TTC23: variants seen among roughly 807,000 people sequenced by gnomAD.
TTC23 encodes tetratricopeptide repeat domain 23.
In TTC23, 58 loss-of-function variants were observed where a neutral mutation model predicts 55.1. That is an observed-to-expected ratio of 1.05 (90% CI 0.85 to 1.31). The LOEUF (loss-of-function observed/expected upper bound fraction) is 1.31, where lower values mean the gene tolerates loss of function less well. Ranked by LOEUF, TTC23 falls within the 50% of genes most tolerant of loss-of-function variation. The probability of loss-of-function intolerance (pLI) is 0.00; values close to 1 mark genes in which losing one functional copy is unlikely to be tolerated. For missense variants in TTC23, 516 were observed against 534.4 expected (o/e 0.97, Z 0.34); for synonymous variants, 203 against 199.9 (o/e 1.02, Z -0.13).
intron 5 of TTC23, among the ~76,000 whole-genome samples, chr15:99,227,835 C>G (rs1414783337): frequency 6.6e-6 from 1 of 152,216 alleles, no homozygotes; most frequent in African/African-American, 2.4e-5. Context: ...TTTACCAGTG[C>G]AGTCTACGTA....
chr15:99,218,032 C>T (rs2152042649), intron 8 of TTC23, among the ~76,000 whole-genome samples: 1 of 152,304 alleles, frequency 6.6e-6, no homozygotes, highest in South Asian at 2.1e-4. Context: ...TCTGTCACCC[C>T]AATACTCTGA....
At chr15:99,211,752 GGA>G (rs901451760) in intron 8 of TTC23, among the ~76,000 whole-genome samples, 9 of 152,146 alleles carry the variant, frequency 5.9e-5, no homozygotes, top group Non-Finnish European at 1.3e-4. Flanking sequence ...CACTTCAACA[GGA>G]GAGGAGAGTG....
rs191063978 is a variant in TTC23 at position 99,193,554 on chromosome 15, T to C, written c.759+6365A>G. Among the ~76,000 whole-genome samples the C allele has an allele frequency of 1.0e-3, 158 of 152,314 alleles. 2 individuals carry two copies. Among genetic ancestry groups the C allele is most frequent in the Middle Eastern group, 3.4e-3 (1 of 294 alleles). On this transcript the variant is annotated intron_variant, in intron 9 of 13. Transcript: ENST00000394132. ...CATGATTGTGAGACTTCCCCAGCCA[T>C]ATGGAACTGTCAGTCCAATTAAACC...
At chr15:99,165,609 CTCTT>C (rs1237292417) in intron 10 of TTC23, among the ~76,000 whole-genome samples, 2 of 152,120 alleles carry the variant, frequency 1.3e-5, no homozygotes, top group South Asian at 4.1e-4. Context: ...TTGTAACCCT[CTCTT>C]TCAATGGGGC....
At chr15:99,169,892 T>G (rs2151916942) in intron 10 of TTC23, among the ~76,000 whole-genome samples, 1 of 152,324 alleles carries the variant, frequency 6.6e-6, no homozygotes, top group Admixed American at 6.5e-5. Context: ...CACTGAACGC[T>G]GCAGAACTCC....
intron 8 of TTC23, among the ~76,000 whole-genome samples, chr15:99,212,590 T>C (rs564628073): frequency 1.0e-3 from 157 of 152,008 alleles, no homozygotes; most frequent in Non-Finnish European, 1.6e-3. Flanking sequence ...GGAGCATGAG[T>C]CACCCCGCGG....
At chr15:99,222,031 T>C (rs923824996) in intron 5 of TTC23, among the ~76,000 whole-genome samples, 167 bp from the exon 6 acceptor site, 1 of 152,090 alleles carries the variant, frequency 6.6e-6, no homozygotes, top group Admixed American at 6.6e-5. Context: ...CAAAGATCTA[T>C]TTGGGGTGGT....
intron 12 of TTC23, chr15:99,148,706 T>G (rs2069300771): frequency 6.6e-6 from 1 of 152,212 alleles, no homozygotes; most frequent in Admixed American, 6.5e-5. Flanking sequence ...CTGCAGCCTT[T>G]CACCTGAGGA....
chr15:99,228,025 A>G (rs1428922034), intron 5 of TTC23, among the ~76,000 whole-genome samples: 3 of 152,224 alleles, frequency 2.0e-5, no homozygotes, highest in Admixed American at 6.5e-5. Context: ...TCCAAGACAA[A>G]GACTGTGGCT....
intron 9 of TTC23, among the ~76,000 whole-genome samples, chr15:99,196,566 T>G (rs1272262317): frequency 1.3e-5 from 2 of 152,206 alleles, no homozygotes; most frequent in Non-Finnish European, 2.9e-5. Flanking sequence ...GCTGGACTCT[T>G]CCTGGAGATG....
chr15:99,184,263 G>T (rs1214698974), intron 9 of TTC23, among the ~76,000 whole-genome samples: 4 of 152,204 alleles, frequency 2.6e-5, no homozygotes, highest in Middle Eastern at 3.2e-3. Context: ...TAGTGGAGCT[G>T]TGAGAAGAGG....
intron 5 of TTC23, among the ~76,000 whole-genome samples, chr15:99,223,630 C>T (rs994224088): frequency 6.6e-6 from 1 of 152,184 alleles, no homozygotes; most frequent in South Asian, 2.1e-4. Flanking sequence ...ATACAGAATC[C>T]AACCACAGTG....
intron 10 of TTC23, among the ~76,000 whole-genome samples, chr15:99,172,010 T>A (rs1449108075): frequency 2.0e-5 from 3 of 151,816 alleles, no homozygotes; most frequent in Non-Finnish European, 4.4e-5. Flanking sequence ...ATCTACTTTA[T>A]GTTTCTCACA....
chr15:99,228,031 T>C (rs1488529059), intron 5 of TTC23, among the ~76,000 whole-genome samples: 4 of 152,222 alleles, frequency 2.6e-5, no homozygotes, highest in Non-Finnish European at 5.9e-5. Context: ...ACAAAGACTG[T>C]GGCTTTTCCT....
intron 9 of TTC23, among the ~76,000 whole-genome samples, chr15:99,195,740 G>A (rs1264008825): frequency 6.6e-6 from 1 of 152,012 alleles, no homozygotes; most frequent in Non-Finnish European, 1.5e-5. Flanking sequence ...AGGTGATAAT[G>A]ATGTGTCAAT....
chr15:99,138,161 G>A (rs782020040), intron 13 of TTC23, 34 bp from the exon 14 acceptor site: 2 of 1,607,938 alleles, frequency 1.2e-6, no homozygotes, highest in East Asian at 2.2e-5. Context: ...TGAGTGTGGT[G>A]CCCCTCAGCC....
intron 12 of TTC23, chr15:99,145,410 T>C (rs1369381017): frequency 6.6e-6 from 1 of 152,146 alleles, no homozygotes; most frequent in Non-Finnish European, 1.5e-5. Flanking sequence ...GACGGGGCTA[T>C]GAATGAATAC....
At chr15:99,203,609 C>T (rs1358598974) in intron 8 of TTC23, among the ~76,000 whole-genome samples, 1 of 152,020 alleles carries the variant, frequency 6.6e-6, no homozygotes, top group Non-Finnish European at 1.5e-5. Flanking sequence ...TAGTTTTCCC[C>T]TCTTCATCTC....
chr15:99,138,150 G>A (rs1211316219), intron 13 of TTC23, 23 bp from the exon 14 acceptor site: 2 of 1,610,636 alleles, frequency 1.2e-6, no homozygotes, highest in East Asian at 2.2e-5. Flanking sequence ...AGAGGGTGGG[G>A]TGAGTGTGGT....
Sources: gnomAD v4.1 joint callset for allele counts (sites outside exome capture counted in the v4.1 genomes callset) on GRCh38, gnomAD v4.1.1 for gene constraint, MANE v1.5 for transcripts, NCBI Gene and HGNC (gene_info 2026-07-23, HGNC 2026-07-21) for gene names.